Variants in DUSP10 observed in about 807,000 individuals in gnomAD.
DUSP10 encodes the protein dual specificity phosphatase 10.
A neutral mutation model predicts 30.8 loss-of-function variants in DUSP10; 14 were observed. The observed-to-expected ratio is 0.46, with a 90% CI of 0.30 to 0.71. The LOEUF is 0.71. Ranked by LOEUF, DUSP10 falls within the 30% of genes least tolerant of loss-of-function variation. DUSP10 has a pLI of 0.08. For synonymous variants in DUSP10, 254 were observed against 250.4 expected (o/e 1.01, Z -0.14); for missense variants, 550 against 619.4 (o/e 0.89, Z 1.19).
chr1:221,738,806 G>C lies in DUSP10; in HGVS notation c.811+128C>G, dbSNP rs1409321512. The C allele has an allele frequency of 6.6e-6, 8 of 1,213,306 alleles. 1 individual carries two copies. The Middle Eastern group carries it at 1.4e-3, about 220-fold the overall frequency. 75.2% of individuals were successfully genotyped at this position (1,213,306 alleles called of 1,614,324 possible). On this transcript the variant is annotated intron_variant, in intron 2 of 3. Coordinates refer to ENST00000366899, the MANE Select transcript of DUSP10 (RefSeq NM_007207.6). Reference sequence around the variant, plus strand: ...CCAAAACAATAAAGAGCATAGAAGGGAAGAGAAGAATAAAGTCTATTTTGG... The same window carrying C: ...CCAAAACAATAAAGAGCATAGAAGGCAAGAGAAGAATAAAGTCTATTTTGG...
intron 2 of DUSP10, among the ~76,000 whole-genome samples, chr1:221,736,383 C>G (rs1437420057): frequency 6.6e-6 from 1 of 152,162 alleles, no homozygotes; most frequent in East Asian, 1.9e-4. Flanking sequence ...ACTATGCCCC[C>G]CTCCCACCAA....
intron 2 of DUSP10, among the ~76,000 whole-genome samples, chr1:221,729,176 T>C (rs1661507715): frequency 6.6e-6 from 1 of 152,234 alleles, no homozygotes; most frequent in Non-Finnish European, 1.5e-5. Flanking sequence ...CAAATTTTTA[T>C]TCCTTAAAAA....
At position 221,706,489 on chromosome 1, in the gene DUSP10, G is replaced by A; in HGVS notation, c.812-23C>T. 1 of 1,439,586 alleles carries A rather than the reference G, an allele frequency of 6.9e-7. No individual in the cohort carries two copies. The highest frequency in any genetic ancestry group is 9.2e-7 in the Non-Finnish European group (1 of 1,090,916). The allele number at this position is 1,439,586 out of a possible 1,614,324, so 89.2% of individuals were successfully genotyped here. ...CACCTAGAACACAAACACAGAAGGTGAGTGTGACTGAGATTTCAGAGCTGG... is the reference window on the plus strand; with the variant it reads ...CACCTAGAACACAAACACAGAAGGTAAGTGTGACTGAGATTTCAGAGCTGG... On this transcript the variant is annotated intron_variant, in intron 2 of 3. Coordinates refer to ENST00000366899, the MANE Select transcript of DUSP10 (RefSeq NM_007207.6). This position sits in a 1 kb window ranked among gnomAD's most constrained non-coding sequence, Gnocchi z 4.6.
chr1:221,739,622 G>A lies in DUSP10; in HGVS notation c.123C>T (p.Ser41=), dbSNP rs375651383. Residue 41 remains serine, a synonymous_variant, in exon 2 of 4, where the codon AGC becomes AGT. Transcript: ENST00000366899. ...CGGTGGTGGCGATGACAGGAGGGTG[G>A]CTGTTACTGCCTGGGTTGGCAGAGC... ...YLGSANPGSN[S]HPPVIATTVV... is the part of the protein sequence containing the mutation. 8 of 1,614,046 alleles carry A rather than the reference G, an allele frequency of 5.0e-6. No homozygotes were observed. Among genetic ancestry groups the A allele is most frequent in the Non-Finnish European group, 6.8e-6 (8 of 1,180,034 alleles).
At chr1:221,737,131 C>T (rs1165043065) in intron 2 of DUSP10, 1 of 985,334 alleles carries the variant, frequency 1.0e-6, no homozygotes, top group Non-Finnish European at 1.2e-6. Context: ...ACTCCACCCA[C>T]TGCAAAATAG....
Position 221,739,776 on chromosome 1 carries a change from A to G in DUSP10, c.-32T>C, listed in dbSNP as rs1373876696. On this transcript the variant is annotated 5_prime_UTR_variant, in exon 2 of 4. Transcript: ENST00000366899. ...GCTGAAAACTGGCAATTCAAGAAGA[A>G]CTCAAGACAGTCTGTAAAGAAGGGG... 6.5e-7 allele frequency: 1 copy of G among 1,538,324 alleles called. No homozygotes were observed. The highest frequency in any genetic ancestry group is 1.4e-5 in the African/African-American group (1 of 72,518).
intron 3 of DUSP10, among the ~76,000 whole-genome samples, chr1:221,703,073 T>C (rs1207469771): frequency 1.3e-5 from 2 of 152,056 alleles, no homozygotes; most frequent in African/African-American, 4.8e-5. Flanking sequence ...TCTTGTTCTC[T>C]TTTTTTCTGG....
At chr1:221,704,688 T>C (rs1000999256) in intron 3 of DUSP10, among the ~76,000 whole-genome samples, 7 of 152,100 alleles carry the variant, frequency 4.6e-5, no homozygotes, top group African/African-American at 1.7e-4. Flanking sequence ...GGCTTGGGAG[T>C]CAAAAACCCT....
chr1:221,712,823 T>G (rs1660981188), intron 2 of DUSP10, among the ~76,000 whole-genome samples: 1 of 134,268 alleles, frequency 7.4e-6, no homozygotes, highest in Admixed American at 7.5e-5. Flanking sequence ...GGATTTAGAA[T>G]AGTGGGTCTG....
At chr1:221,722,446 G>A (rs1353545175) in intron 2 of DUSP10, among the ~76,000 whole-genome samples, 1 of 152,208 alleles carries the variant, frequency 6.6e-6, no homozygotes, top group Non-Finnish European at 1.5e-5. Context: ...GGTGTGAACT[G>A]TCCCTAGTCT....
intron 2 of DUSP10, among the ~76,000 whole-genome samples, chr1:221,714,212 T>TA (rs1250997047): frequency 6.6e-6 from 1 of 152,248 alleles, no homozygotes; most frequent in Non-Finnish European, 1.5e-5. Context: ...CATCGTATAG[T>TA]AACTTTGGTA....
At chr1:221,738,674 C>T (rs539608375) in intron 2 of DUSP10, among the ~76,000 whole-genome samples, 19 of 152,294 alleles carry the variant, frequency 1.2e-4, no homozygotes, top group African/African-American at 4.6e-4. Context: ...AGAAAACAGT[C>T]CCAGAGAGGT....
intron 2 of DUSP10, among the ~76,000 whole-genome samples, chr1:221,724,627 A>G (rs1405584991): frequency 6.6e-6 from 1 of 152,144 alleles, no homozygotes; most frequent in African/African-American, 2.4e-5. Context: ...ATTTAATACT[A>G]TTGCTATCCC....
chr1:221,732,996 C>T (rs1305632787), intron 2 of DUSP10, among the ~76,000 whole-genome samples: 1 of 152,210 alleles, frequency 6.6e-6, no homozygotes, highest in African/African-American at 2.4e-5. Flanking sequence ...GAATTTCTCT[C>T]CTTAATATGT....
At chr1:221,738,842 C>A in intron 2 of DUSP10, 92 bp downstream of exon 2, 1 of 1,475,258 alleles carries the variant, frequency 6.8e-7, no homozygotes, top group Admixed American at 2.3e-5. Context: ...TCTTTGGTAG[C>A]CAGGGTAAGG....
chr1:221,721,992 G>T (rs1445818383), intron 2 of DUSP10, among the ~76,000 whole-genome samples: 1 of 152,142 alleles, frequency 6.6e-6, no homozygotes, highest in African/African-American at 2.4e-5. Flanking sequence ...AACCCCGGGT[G>T]GCCCTGTTTC....
chr1:221,725,416 C>T (rs951893026), intron 2 of DUSP10, among the ~76,000 whole-genome samples: 1 of 152,174 alleles, frequency 6.6e-6, no homozygotes, highest in African/African-American at 2.4e-5. Flanking sequence ...GCTTCCTGGA[C>T]TCCATAACCA....
chr1:221,703,464 T>G (rs1660667996), intron 3 of DUSP10, among the ~76,000 whole-genome samples: 1 of 152,206 alleles, frequency 6.6e-6, no homozygotes, highest in South Asian at 2.1e-4. Context: ...TATGTTCAGC[T>G]TCTCCCCAGA....
chr1:221,706,001 C>T lies in DUSP10; in HGVS notation c.1183+94G>A. On this transcript the variant is annotated intron_variant, in intron 3 of 3. Transcript: ENST00000366899. This position sits in a 1 kb window ranked among gnomAD's most constrained non-coding sequence, Gnocchi z 4.6. ...AAAACTCCAGGGCAGCTTTTCTTTT[C>T]CAACACAGGAATAAACCTTGAACTT... is the stretch of plus-strand genomic sequence containing the variant. The T allele has an allele frequency of 1.3e-6, 2 of 1,511,146 alleles. No individual in the cohort carries two copies. The highest frequency in any genetic ancestry group is 2.7e-5 in the South Asian group (2 of 74,258). 93.6% of individuals were successfully genotyped at this position (1,511,146 alleles called of 1,614,324 possible).
Sources: gnomAD v4.1 joint callset for allele counts (sites outside exome capture counted in the v4.1 genomes callset) on GRCh38, gnomAD v4.1.1 for gene constraint, Gnocchi (gnomAD v3.1) non-coding constraint, MANE v1.5 for transcripts, NCBI Gene and HGNC (gene_info 2026-07-23, HGNC 2026-07-21) for gene names.